Variants in ANGPT4 observed in about 807,000 individuals in gnomAD.
ANGPT4 encodes the protein angiopoietin-4.
Under a neutral mutation model 53.0 loss-of-function variants are expected in ANGPT4, and 50 were observed. The observed-to-expected ratio is 0.94, with a 90% CI of 0.75 to 1.20. ANGPT4 has a LOEUF of 1.20. Among genes scored for constraint, ANGPT4 ranks in the 50% most tolerant of loss-of-function variants. The pLI, the probability that ANGPT4 is intolerant of heterozygous loss-of-function variation, is 0.00. For synonymous variants in ANGPT4, 251 were observed against 259.7 expected (o/e 0.97, Z 0.32); for missense variants, 648 against 637.1 (o/e 1.02, Z -0.18).
At chr20:874,258 G>A (rs771270635) in intron 8 of ANGPT4, 26 bp downstream of exon 8, 37 of 1,612,874 alleles carry the variant, frequency 2.3e-5, no homozygotes, top group Admixed American at 5.0e-5. Context: ...GTGGGTGGGC[G>A]GAGCTTCACC....
In ANGPT4 at chr20:872,997, C is replaced by T. The variant is rs775939876; in HGVS notation, c.1475G>A (p.Arg492His). 31 of 1,613,984 alleles carry T rather than the reference C, an allele frequency of 1.9e-5. No homozygotes were observed. Among genetic ancestry groups the T allele is most frequent in the African/African-American group, 1.1e-4 (8 of 74,930 alleles). ...AGGCCGTATCATCATGCGAGAGGCA[C>T]GCAGTGAGTAGCTGGGGCCCTTGAA... ...HYFKGPSYSL[R>H]ASRMMIRPLD... Residue 492 changes from arginine to histidine, a missense_variant, in exon 9 of 9, where the codon CGT becomes CAT. By Grantham distance (29) the Arg-to-His change is conservative. Transcript: ENST00000381922.
chr20:885,260 C>A lies in ANGPT4; in HGVS notation c.653G>T (p.Ser218Ile). Residue 218 changes from serine to isoleucine, a missense_variant, in exon 4 of 9, where the codon AGC becomes ATC. Ser to Ile is a moderately radical substitution (Grantham distance 142). Coordinates refer to ENST00000381922, the MANE Select transcript of ANGPT4 (RefSeq NM_015985.4). ...KQQEELASIL[S>I]KKAKLLNTLS... ...CGTGTTCAGCAGCTTCGCCTTCTTG[C>A]TGAGGATGCTGGCCAGCTCCTCCTG... 2 of 1,581,808 alleles carry A rather than the reference C, an allele frequency of 1.3e-6. No individual in the cohort carries two copies. Among genetic ancestry groups the A allele is most frequent in the South Asian group, 2.3e-5 (2 of 87,202 alleles).
intron 1 of ANGPT4, among the ~76,000 whole-genome samples, chr20:891,030 C>T (rs537545849): frequency 6.6e-6 from 1 of 152,330 alleles, no homozygotes; most frequent in African/African-American, 2.4e-5. Context: ...AATGTCAATT[C>T]CATGAAGCCA....
At chr20:902,299 G>T (rs1002192817) in intron 1 of ANGPT4, among the ~76,000 whole-genome samples, 1 of 151,944 alleles carries the variant, frequency 6.6e-6, no homozygotes, top group Non-Finnish European at 1.5e-5. Flanking sequence ...TGGACCCCCA[G>T]GGATCTGTGA....
At position 911,490 on chromosome 20, in the gene ANGPT4, G is replaced by T. The variant is rs961711366; in HGVS notation, c.309+4416C>A. ...TAGAGGTGGGAGGGATGGCCTTGGGGTGAGAAAAGGAGGAGCTGAGAAAGA... is the reference window on the plus strand; with the variant it reads ...TAGAGGTGGGAGGGATGGCCTTGGGTTGAGAAAAGGAGGAGCTGAGAAAGA... On this transcript the variant is annotated intron_variant, in intron 1 of 8. Coordinates refer to ENST00000381922, the MANE Select transcript of ANGPT4 (RefSeq NM_015985.4). The surrounding 1 kb of genome is among the most constrained non-coding windows in gnomAD (Gnocchi z 4.9). Among the ~76,000 whole-genome samples the T allele has an allele frequency of 6.6e-6, 1 of 152,168 alleles. No individual in the cohort carries two copies. The highest frequency in any genetic ancestry group is 1.5e-5 in the Non-Finnish European group (1 of 68,032).
chr20:870,777 G>A lies in ANGPT4; in HGVS notation c.*2183C>T, dbSNP rs1319113849. The A allele has an allele frequency of 6.6e-6, 1 of 152,232 alleles. No individual in the cohort carries two copies. Among genetic ancestry groups the A allele is most frequent in the Non-Finnish European group, 1.5e-5 (1 of 68,058 alleles). The allele number at this position is 152,232 out of a possible 1,614,324, so 9.4% of individuals were successfully genotyped here. On this transcript the variant is annotated 3_prime_UTR_variant, in exon 9 of 9. Transcript: ENST00000381922. ...TTTTCCTCACCTGAGTGCAGGAGAA[G>A]GGGCGGCATGTGCTGGGGAATGCCT...
chr20:882,347 G>T (rs555841264), intron 4 of ANGPT4, among the ~76,000 whole-genome samples: 1 of 152,288 alleles, frequency 6.6e-6, no homozygotes, highest in South Asian at 2.1e-4. Flanking sequence ...TCTCTGGGTA[G>T]CCAGGTACCC....
chr20:879,742 G>T lies in ANGPT4; in HGVS notation c.1053+5C>A. ...AATGGCCCCTCCCCAAGGCAGCAGG[G>T]CTACCTGTTTGTAATCCTTCCAGTT... On this transcript the variant is annotated splice_donor_5th_base_variant and intron_variant, in intron 6 of 8. Transcript: ENST00000381922. The T allele has an allele frequency of 6.2e-7, 1 of 1,612,436 alleles. No homozygotes were observed. The highest frequency in any genetic ancestry group is 8.5e-7 in the Non-Finnish European group (1 of 1,179,016).
chr20:879,391 G>A (rs781339810), intron 6 of ANGPT4, among the ~76,000 whole-genome samples: 2 of 152,126 alleles, frequency 1.3e-5, no homozygotes, highest in Admixed American at 6.5e-5. Flanking sequence ...GATCATAGAC[G>A]TATGAAAAGA....
At chr20:909,873 T>C (rs1982631789) in intron 1 of ANGPT4, among the ~76,000 whole-genome samples, 1 of 152,208 alleles carries the variant, frequency 6.6e-6, no homozygotes, top group South Asian at 2.1e-4. Context: ...CTGGAGCCCC[T>C]TAGCTTTTCA....
chr20:874,833 C>T (rs1005722269), intron 7 of ANGPT4, among the ~76,000 whole-genome samples: 15 of 152,178 alleles, frequency 9.9e-5, no homozygotes, highest in African/African-American at 3.4e-4. Context: ...CCACCTCAGT[C>T]TCCTGAGTAA....
At chr20:876,628 T>C (rs882806) in intron 7 of ANGPT4, among the ~76,000 whole-genome samples, 19,350 of 152,224 alleles carry the variant, frequency 0.13, 1,657 homozygotes, top group African/African-American at 0.24. Context: ...ATTCTACAGA[T>C]GAAACCGTGA....
Position 908,172 on chromosome 20 carries a change from G to A in ANGPT4, c.309+7734C>T, listed in dbSNP as rs933722419. 6.6e-6 allele frequency among the ~76,000 whole-genome samples: 1 copy of A among 152,110 alleles called. No individual in the cohort carries two copies. Among genetic ancestry groups the A allele is most frequent in the African/African-American group, 2.4e-5 (1 of 41,404 alleles). ...TCTATCAGAGAATGATCCTCAGTGAGGACAGGACAGAAAAGTGGCCACATC... is the reference window on the plus strand; with the variant it reads ...TCTATCAGAGAATGATCCTCAGTGAAGACAGGACAGAAAAGTGGCCACATC... On this transcript the variant is annotated intron_variant, in intron 1 of 8. Coordinates refer to ENST00000381922, the MANE Select transcript of ANGPT4 (RefSeq NM_015985.4). The surrounding 1 kb of genome is among the most constrained non-coding windows in gnomAD (Gnocchi z 4.9).
Position 872,687 on chromosome 20 carries a change from A to G in ANGPT4, c.*273T>C. ...TTCTCAGCCCATTCAAGGTACTGTGACCCTCAGGCAGGGAGCCCCTGAAGG... is the reference window on the plus strand; with the variant it reads ...TTCTCAGCCCATTCAAGGTACTGTGGCCCTCAGGCAGGGAGCCCCTGAAGG... On this transcript the variant is annotated 3_prime_UTR_variant, in exon 9 of 9. Coordinates refer to ENST00000381922, the MANE Select transcript of ANGPT4 (RefSeq NM_015985.4). 2.2e-6 allele frequency: 1 copy of G among 457,830 alleles called. No individual in the cohort carries two copies. Among genetic ancestry groups the G allele is most frequent in the Non-Finnish European group, 4.0e-6 (1 of 250,454 alleles). The allele number at this position is 457,830 out of a possible 1,614,324, so 28.4% of individuals were successfully genotyped here.
rs2122740376 is a variant in ANGPT4 at position 870,834 on chromosome 20, C to T, written c.*2126G>A. The T allele has an allele frequency of 6.6e-6, 1 of 152,352 alleles. No homozygotes were observed. Among genetic ancestry groups the T allele is most frequent in the South Asian group, 2.1e-4 (1 of 4,828 alleles). 9.4% of individuals were successfully genotyped at this position (152,352 alleles called of 1,614,324 possible). ...CCCCATTCTCCTCTTTGAGGACAAA[C>T]ATTTATTAGGCACCTGCTTCATGCC... On this transcript the variant is annotated 3_prime_UTR_variant, in exon 9 of 9. Transcript: ENST00000381922.
At chr20:901,125 A>C (rs1374874208) in intron 1 of ANGPT4, among the ~76,000 whole-genome samples, 3 of 152,098 alleles carry the variant, frequency 2.0e-5, no homozygotes, top group South Asian at 2.1e-4. Flanking sequence ...TACCACCTCC[A>C]AAAATTTTCG....
intron 4 of ANGPT4, among the ~76,000 whole-genome samples, chr20:884,872 C>T (rs1034589614): frequency 6.6e-6 from 1 of 152,208 alleles, no homozygotes; most frequent in Admixed American, 6.5e-5. Context: ...CCAAGGTCAC[C>T]CATGGAATCA....
At position 908,770 on chromosome 20, in the gene ANGPT4, T is replaced by C. The variant is rs1982582289; in HGVS notation, c.309+7136A>G. 7.1e-6 allele frequency among the ~76,000 whole-genome samples: 1 copy of C among 141,376 alleles called. No individual in the cohort carries two copies. Among genetic ancestry groups the C allele is most frequent in the African/African-American group, 2.5e-5 (1 of 39,458 alleles). 92.7% of individuals were successfully genotyped at this position (141,376 alleles called of 152,430 possible). A position where few individuals can be genotyped will look rare whatever the true frequency, so the allele number is the denominator to read the frequency against. ...TCAGAGTTGTGTATACACATTTGTG[T>C]TTGTGTGTGGTGGGGGGCAGGAGTC... On this transcript the variant is annotated intron_variant, in intron 1 of 8. Transcript: ENST00000381922. The surrounding 1 kb of genome is among the most constrained non-coding windows in gnomAD (Gnocchi z 4.9).
intron 1 of ANGPT4, among the ~76,000 whole-genome samples, chr20:892,322 G>A (rs1324444884): frequency 6.6e-6 from 1 of 152,158 alleles, no homozygotes; most frequent in Non-Finnish European, 1.5e-5. Context: ...GAGGCCAGGT[G>A]CGGTGGCTCA....
Sources: gnomAD v4.1 joint callset for allele counts (sites outside exome capture counted in the v4.1 genomes callset) on GRCh38, gnomAD v4.1.1 for gene constraint, Gnocchi (gnomAD v3.1) non-coding constraint, MANE v1.5 for transcripts, NCBI Gene and HGNC (gene_info 2026-07-23, HGNC 2026-07-21) for gene names.